Variants in PLCL1 observed in about 807,000 individuals in gnomAD.
PLCL1 encodes the protein phospholipase C like 1 (inactive).
In PLCL1, 41 loss-of-function variants were observed where a neutral mutation model predicts 84.4. That is an observed-to-expected ratio of 0.49 (90% CI 0.38 to 0.63). The LOEUF is 0.63. Among genes scored for constraint, PLCL1 ranks in the 30% least tolerant of loss-of-function variants. The pLI is 0.00. For missense variants in PLCL1, 1,206 were observed against 1,367.8 expected (o/e 0.88, Z 1.87); for synonymous variants, 490 against 488.3 (o/e 1.00, Z -0.05).
chr2:197,968,135 T>C (rs1689785292), intron 1 of PLCL1, among the ~76,000 whole-genome samples: 1 of 152,244 alleles, frequency 6.6e-6, no homozygotes, highest in Non-Finnish European at 1.5e-5. Flanking sequence ...GTGTGTTACA[T>C]TATGCTTTAG....
intron 5 of PLCL1, among the ~76,000 whole-genome samples, chr2:198,136,289 A>C (rs1694254710): frequency 2.0e-5 from 3 of 152,098 alleles, no homozygotes; most frequent in Admixed American, 1.3e-4. Flanking sequence ...TATCTCTCTT[A>C]ATCTCACAAA....
intron 1 of PLCL1, among the ~76,000 whole-genome samples, chr2:197,939,978 G>A (rs1689127112): frequency 6.6e-6 from 1 of 152,138 alleles, no homozygotes; most frequent in Admixed American, 6.5e-5. Flanking sequence ...TCCGTGTGGG[G>A]TGGGATGTTG....
intron 1 of PLCL1, among the ~76,000 whole-genome samples, chr2:197,881,720 GC>G (rs1687833256): frequency 6.6e-6 from 1 of 152,046 alleles, no homozygotes; most frequent in Non-Finnish European, 1.5e-5. Flanking sequence ...TTCTTATGCA[GC>G]TTTTTGGTGT....
intron 1 of PLCL1, among the ~76,000 whole-genome samples, chr2:197,885,219 T>G (rs774642313): frequency 1.8e-4 from 28 of 152,186 alleles, no homozygotes; most frequent in Non-Finnish European, 3.4e-4. Context: ...TTTAAGGAGA[T>G]TTTATTATGG....
chr2:198,095,917 T>C (rs887227698), intron 3 of PLCL1, among the ~76,000 whole-genome samples: 4 of 152,214 alleles, frequency 2.6e-5, no homozygotes, highest in African/African-American at 9.6e-5. Context: ...ATAGAACGAA[T>C]GACAGTTCTG....
At chr2:197,922,943 G>T (rs1488849296) in intron 1 of PLCL1, among the ~76,000 whole-genome samples, 2 of 120,108 alleles carry the variant, frequency 1.7e-5, no homozygotes, top group African/African-American at 3.1e-5. Flanking sequence ...GCGGCTGGCC[G>T]GGCGGGGGGC....
intron 1 of PLCL1, among the ~76,000 whole-genome samples, chr2:197,903,576 C>A (rs894438260): frequency 7.3e-6 from 1 of 137,386 alleles, no homozygotes; most frequent in African/African-American, 2.7e-5. Context: ...CTCCTCCTCC[C>A]GGGTTCACGC....
intron 5 of PLCL1, among the ~76,000 whole-genome samples, chr2:198,122,875 T>G (rs1382585516): frequency 6.6e-6 from 1 of 152,130 alleles, no homozygotes; most frequent in Non-Finnish European, 1.5e-5. Flanking sequence ...TAAATTCTAA[T>G]AGCAATTATG....
intron 5 of PLCL1, among the ~76,000 whole-genome samples, chr2:198,124,963 C>T (rs1379664489): frequency 6.6e-6 from 1 of 152,112 alleles, no homozygotes; most frequent in African/African-American, 2.4e-5. Flanking sequence ...TTCCATTCCT[C>T]AGGGGCATTC....
At chr2:198,047,932 G>A (rs1053708595) in intron 1 of PLCL1, among the ~76,000 whole-genome samples, 3 of 152,134 alleles carry the variant, frequency 2.0e-5, no homozygotes, top group Admixed American at 6.5e-5. Context: ...TCTTCCATGC[G>A]AGTGGTGGCA....
At chr2:198,050,470 C>T (rs1233662785) in intron 1 of PLCL1, among the ~76,000 whole-genome samples, 1 of 151,920 alleles carries the variant, frequency 6.6e-6, no homozygotes, top group African/African-American at 2.4e-5. Context: ...AAGATATCAT[C>T]TATTTGAGTA....
At chr2:197,983,202 T>TTTTTTC (rs1690152756) in intron 1 of PLCL1, among the ~76,000 whole-genome samples, 6 of 10,474 alleles carry the variant, frequency 5.7e-4, no homozygotes, top group African/African-American at 3.3e-3. Flanking sequence ...TTTCTTTTCT[T>TTTTTTC]TTTTTTTTTT....
Position 198,085,193 on chromosome 2 carries a change from A to C in PLCL1, c.1676A>C (p.Asp559Ala). 6.2e-7 allele frequency: 1 copy of C among 1,613,958 alleles called. No homozygotes were observed. Among genetic ancestry groups the C allele is most frequent in the Non-Finnish European group, 8.5e-7 (1 of 1,179,930 alleles). Residue 559 changes from aspartate to alanine, a missense_variant, in exon 2 of 6, where the codon GAT becomes GCT. Physicochemically the swap from Asp to Ala is moderately radical, Grantham distance 126 (BLOSUM62 -2). Transcript: ENST00000428675. This position sits in a 1 kb window ranked among gnomAD's most constrained non-coding sequence, Gnocchi z 5.3. ...DVLEGEVTDE[D>A]EEAEMSRRMS... ...TTAGAAGGAGAAGTAACAGATGAAG[A>C]TGAAGAAGCTGAAATGTCTCGAAGG...
intron 3 of PLCL1, among the ~76,000 whole-genome samples, chr2:198,099,847 T>C (rs1235576800): frequency 6.6e-6 from 1 of 152,204 alleles, no homozygotes; most frequent in Non-Finnish European, 1.5e-5. Context: ...AATAAGCATG[T>C]AATAAAGTTT....
intron 1 of PLCL1, among the ~76,000 whole-genome samples, chr2:198,008,678 C>A (rs1274735562): frequency 6.6e-6 from 1 of 151,930 alleles, no homozygotes; most frequent in East Asian, 1.9e-4. Context: ...GTCCAAGTAT[C>A]TCTTCAAGAT....
chr2:198,142,266 A>G (rs1417328292), intron 5 of PLCL1, among the ~76,000 whole-genome samples: 1 of 152,142 alleles, frequency 6.6e-6, no homozygotes, highest in Non-Finnish European at 1.5e-5. Flanking sequence ...TATGGTTAGG[A>G]TATAATGAGA....
chr2:197,924,213 A>T (rs1688789729), intron 1 of PLCL1, among the ~76,000 whole-genome samples: 1 of 151,590 alleles, frequency 6.6e-6, no homozygotes, highest in South Asian at 2.1e-4. Context: ...CACGCAAGGC[A>T]AGTGCTTCAC....
At position 197,815,190 on chromosome 2, in the gene PLCL1, G is replaced by A. The variant is rs151160300; in HGVS notation, c.240+9851G>A. Among the ~76,000 whole-genome samples, 43 of 152,256 alleles carry A rather than the reference G, an allele frequency of 2.8e-4. 3 individuals carry two copies. In the East Asian group the frequency reaches 8.3e-3, roughly 29 times the overall value. On this transcript the variant is annotated intron_variant, in intron 1 of 5. Transcript: ENST00000428675. Reference sequence around the variant, plus strand: ...GGACAGGCTAACTCTCTTGCCTGGGGTAATGCATCTGGTAACTTTAAGTGG... The same window carrying A: ...GGACAGGCTAACTCTCTTGCCTGGGATAATGCATCTGGTAACTTTAAGTGG...
intron 1 of PLCL1, among the ~76,000 whole-genome samples, chr2:197,962,512 G>A (rs191004506): frequency 7.1e-4 from 108 of 152,024 alleles, no homozygotes; most frequent in Admixed American, 1.2e-3. Flanking sequence ...GAGATATTTC[G>A]GTACAGGCAC....
Sources: allele counts gnomAD v4.1 joint callset (sites outside exome capture counted in the v4.1 genomes callset), GRCh38; gene constraint gnomAD v4.1.1; non-coding constraint Gnocchi (gnomAD v3.1); transcripts MANE v1.5; gene names NCBI Gene and HGNC (gene_info 2026-07-23, HGNC 2026-07-21).